Variants in FAM151B observed in about 807,000 individuals in gnomAD.
FAM151B encodes the protein family with sequence similarity 151 member B, also known as protein FAM151B.
Under a neutral mutation model 31.2 loss-of-function variants are expected in FAM151B, and 24 were observed. The ratio of observed to expected loss-of-function variants is 0.77; its 90% CI spans 0.56 to 1.08. The LOEUF (loss-of-function observed/expected upper bound fraction) is 1.08. Ranked by LOEUF, FAM151B falls within the 50% of genes least tolerant of loss-of-function variation. The pLI is 0.00. For synonymous variants in FAM151B, 105 were observed against 111.4 expected, an observed-to-expected ratio of 0.94 and a Z score of 0.36; for missense variants, 293 against 328.6, an observed-to-expected ratio of 0.89 and a Z score of 0.84.
At chr5:80,515,019 C>T (rs941908453) in intron 3 of FAM151B, among the ~76,000 whole-genome samples, 2 of 152,024 alleles carry the variant, frequency 1.3e-5, no homozygotes, top group Non-Finnish European at 2.9e-5. Flanking sequence ...GCGGGTGGAT[C>T]ACCTGAGGTT....
intron 1 of FAM151B, chr5:80,501,434 T>C: frequency 2.3e-6 from 1 of 442,086 alleles, no homozygotes; most frequent in East Asian, 4.5e-5. Flanking sequence ...TCTAAGCTGG[T>C]CAGTTAGTAA....
chr5:80,534,201 C>G lies in FAM151B; in HGVS notation c.672-7472C>G, dbSNP rs1424850671. ...CATTTAAAGAAGAACTAACACCAGTCCTATTCAAACTATCCAAAAAATAGA... is the reference window on the plus strand; with the variant it reads ...CATTTAAAGAAGAACTAACACCAGTGCTATTCAAACTATCCAAAAAATAGA... On this transcript the variant is annotated intron_variant, in intron 5 of 5. Coordinates refer to ENST00000282226, the MANE Select transcript of FAM151B (RefSeq NM_205548.3). Among the ~76,000 whole-genome samples, 6 of 152,178 alleles carry G rather than the reference C, an allele frequency of 3.9e-5. No individual in the cohort carries two copies. In the East Asian group the frequency reaches 7.7e-4, roughly 20 times the overall value.
At chr5:80,503,972 AG>A (rs1202056439) in intron 2 of FAM151B, among the ~76,000 whole-genome samples, 1 of 152,152 alleles carries the variant, frequency 6.6e-6, no homozygotes, top group East Asian at 1.9e-4. Context: ...ATGGAAGACT[AG>A]GGAGAGGGGC....
At chr5:80,497,499 G>A (rs1353721972) in intron 1 of FAM151B, among the ~76,000 whole-genome samples, 4 of 151,202 alleles carry the variant, frequency 2.6e-5, no homozygotes, top group Non-Finnish European at 5.9e-5. Context: ...CCTTTCTCTT[G>A]GCCCTGTTTT....
Position 80,513,717 on chromosome 5 carries a change from T to C in FAM151B, c.265T>C (p.Trp89Arg). ...ETNSDNTLQEWLTEVMKSNKG... is the reference protein window; with the variant it reads ...ETNSDNTLQERLTEVMKSNKG... Reference sequence around the variant, plus strand: ...AAACAGTGATAATACTCTACAGGAGTGGCTGACTGAAGTTATGAAAAGCAA... The same window carrying C: ...AAACAGTGATAATACTCTACAGGAGCGGCTGACTGAAGTTATGAAAAGCAA... The change falls in exon 3 of 6, where the codon TGG becomes CGG. Residue 89 changes from tryptophan to arginine, a missense_variant. By Grantham distance (101) the Trp-to-Arg change is moderately radical (BLOSUM62 -3). Transcript: ENST00000282226. 6.2e-7 allele frequency: 1 copy of C among 1,612,908 alleles called. No individual in the cohort carries two copies. Among genetic ancestry groups the C allele is most frequent in the Non-Finnish European group, 8.5e-7 (1 of 1,179,584 alleles).
chr5:80,496,672 A>C (rs955016698), intron 1 of FAM151B, among the ~76,000 whole-genome samples: 21 of 152,112 alleles, frequency 1.4e-4, no homozygotes, highest in Admixed American at 1.4e-3. Context: ...GACATACCAC[A>C]CTAATGCAAG....
chr5:80,534,957 C>CAATTAA (rs1400660103), intron 5 of FAM151B, among the ~76,000 whole-genome samples: 1 of 151,936 alleles, frequency 6.6e-6, no homozygotes, highest in Non-Finnish European at 1.5e-5. Context: ...TTCTATATGC[C>CAATTAA]AACAGTGAAC....
intron 5 of FAM151B, among the ~76,000 whole-genome samples, chr5:80,528,345 CA>C (rs1745064467): frequency 6.6e-6 from 1 of 151,842 alleles, no homozygotes; most frequent in Non-Finnish European, 1.5e-5. Context: ...AACAAACTGG[CA>C]GGGGTAAGTC....
At chr5:80,516,851 G>C (rs1003556139) in intron 3 of FAM151B, among the ~76,000 whole-genome samples, 8 of 152,192 alleles carry the variant, frequency 5.3e-5, no homozygotes, top group Non-Finnish European at 1.0e-4. Context: ...GTATACAGTA[G>C]TCCTCTGTTA....
At chr5:80,506,422 G>C (rs2112614753) in intron 2 of FAM151B, among the ~76,000 whole-genome samples, 1 of 152,250 alleles carries the variant, frequency 6.6e-6, no homozygotes, top group African/African-American at 2.4e-5. Flanking sequence ...TCACTGAGCT[G>C]CTGATTGTAC....
chr5:80,541,588 A>T, intron 5 of FAM151B, 85 bp from the exon 6 acceptor site: 1 of 1,290,830 alleles, frequency 7.7e-7, no homozygotes, highest in Non-Finnish European at 1.1e-6. Context: ...AGTTAGAGAT[A>T]AATGAAAGCA....
In FAM151B at chr5:80,517,940, C is replaced by T. The variant is rs376789739; in HGVS notation, c.318-1753C>T. The stretch of plus-strand genomic sequence containing the variant: ...TACAAAAATTAGCTGGGTGTGGTGG[C>T]GCATGCCTATAGTCCCAGCTACTTG... On this transcript the variant is annotated intron_variant, in intron 3 of 5. Transcript: ENST00000282226. Among the ~76,000 whole-genome samples, 46 of 152,034 alleles carry T rather than the reference C, an allele frequency of 3.0e-4. 1 individual carries two copies. Among genetic ancestry groups the T allele is most frequent in the Admixed American group, 1.7e-3 (26 of 15,270 alleles).
At chr5:80,518,970 T>C (rs2082443340) in intron 3 of FAM151B, 1 of 152,218 alleles carries the variant, frequency 6.6e-6, no homozygotes, top group Admixed American at 6.5e-5. Flanking sequence ...GTAAAAATTA[T>C]GGAAGCTGAT....
At position 80,515,770 on chromosome 5, in the gene FAM151B, C is replaced by T. The variant is rs1422671784; in HGVS notation, c.317+2001C>T. 2.0e-5 allele frequency among the ~76,000 whole-genome samples: 3 copies of T among 152,140 alleles called. 1 individual carries two copies. The highest frequency in any genetic ancestry group is 4.8e-5 in the African/African-American group (2 of 41,416). On this transcript the variant is annotated intron_variant, in intron 3 of 5. Transcript: ENST00000282226. ...TTGCATGTATTTTTCATTAAATTCT[C>T]GTAACAATCCTAAGAGGTAGGTTAT...
chr5:80,495,595 C>G (rs1743502120), intron 1 of FAM151B, among the ~76,000 whole-genome samples: 1 of 152,136 alleles, frequency 6.6e-6, no homozygotes, highest in Admixed American at 6.6e-5. Context: ...CTTTGGGAGG[C>G]TGAGGCAGGC....
chr5:80,534,428 C>T (rs563343756), intron 5 of FAM151B, among the ~76,000 whole-genome samples: 5 of 152,162 alleles, frequency 3.3e-5, no homozygotes, highest in South Asian at 4.1e-4. Context: ...GGGATTTATC[C>T]GAGGGATGAA....
intron 5 of FAM151B, among the ~76,000 whole-genome samples, chr5:80,531,967 G>A (rs1398002659): frequency 1.3e-5 from 2 of 152,198 alleles, no homozygotes; most frequent in South Asian, 4.1e-4. Flanking sequence ...ATTCACAATA[G>A]CAAAGACTTG....
intron 2 of FAM151B, chr5:80,510,823 G>A (rs575711907): frequency 4.6e-5 from 7 of 152,274 alleles, no homozygotes; most frequent in Admixed American, 2.6e-4. Flanking sequence ...ATTCCTTCCC[G>A]CTGATGAAAT....
chr5:80,493,215 A>C (rs1295233579), intron 1 of FAM151B, among the ~76,000 whole-genome samples: 2 of 152,188 alleles, frequency 1.3e-5, no homozygotes. Flanking sequence ...AAGAACATAA[A>C]TTGTGAAGAT....
Sources: gnomAD v4.1 joint callset for allele counts (sites outside exome capture counted in the v4.1 genomes callset) on GRCh38, gnomAD v4.1.1 for gene constraint, MANE v1.5 for transcripts, NCBI Gene and HGNC (gene_info 2026-07-23, HGNC 2026-07-21) for gene names.